Variants in GPAA1 observed in about 807,000 individuals in gnomAD.
GPAA1 encodes GPI-anchor transamidase component GPAA1.
A neutral mutation model predicts 64.0 loss-of-function variants in GPAA1; 54 were observed. The observed-to-expected ratio is 0.84, with a 90% confidence interval of 0.68 to 1.06. The LOEUF (loss-of-function observed/expected upper bound fraction) is 1.06. Ranked by LOEUF, GPAA1 falls within the 50% of genes least tolerant of loss-of-function variation. The probability of loss-of-function intolerance (pLI) is 0.00; values close to 1 mark genes in which losing one functional copy is unlikely to be tolerated. For missense variants in GPAA1, 780 were observed against 822.3 expected (o/e 0.95, Z 0.63); for synonymous variants, 393 against 377.3 (o/e 1.04, Z -0.48).
intron 7 of GPAA1, 47 bp downstream of exon 7, chr8:144,084,656 G>C: frequency 6.2e-7 from 1 of 1,608,004 alleles, no homozygotes; most frequent in Non-Finnish European, 8.5e-7. Flanking sequence ...ATGGGGTCTA[G>C]CTGGAGCGGA....
intron 8 of GPAA1, 46 bp downstream of exon 8, chr8:144,084,921 C>T: frequency 6.2e-7 from 1 of 1,604,994 alleles, no homozygotes; most frequent in Middle Eastern, 1.7e-4. Flanking sequence ...CCTCCAGTCT[C>T]CTCAACTCTA....
At position 144,084,054 on chromosome 8, in the gene GPAA1, T is replaced by TC. The variant is rs782514501; in HGVS notation, c.616+16dup. On this transcript the variant is annotated intron_variant, in intron 5 of 11. Coordinates refer to ENST00000355091, the MANE Select transcript of GPAA1 (RefSeq NM_003801.4). ...TCAATGTCACTGGTAGGTTCTCTTGTCCTGCCTGCCCTGGTCCCCCTCTCA... is the reference window on the plus strand; with the variant it reads ...TCAATGTCACTGGTAGGTTCTCTTGTCCCTGCCTGCCCTGGTCCCCCTCTCA... 9.3e-6 allele frequency: 15 copies of TC among 1,608,690 alleles called. No individual in the cohort carries two copies. In the South Asian group the frequency reaches 1.4e-4, roughly 15 times the overall value.
Position 144,085,115 on chromosome 8 carries a change from A to C in GPAA1, c.1237A>C (p.Ser413Arg), listed in dbSNP as rs1835975988. The change falls in exon 9 of 12, where the codon AGT becomes CGT. Residue 413 changes from serine (S) to arginine (R), a missense_variant. By Grantham distance (110) the Ser-to-Arg change is moderately radical. Coordinates refer to ENST00000355091, the MANE Select transcript of GPAA1 (RefSeq NM_003801.4). ...GGAGCCCGGGGGTGCCCCTGGCCCCAGTGTACCCCTTCCCCCATCACAGGT... is the reference window on the plus strand; with the variant it reads ...GGAGCCCGGGGGTGCCCCTGGCCCCCGTGTACCCCTTCCCCCATCACAGGT... ...LEEPGGAPGPSVPLPPSQGVG... is the reference protein window; with the variant it reads ...LEEPGGAPGPRVPLPPSQGVG... 2 of 1,594,596 alleles carry C rather than the reference A, an allele frequency of 1.3e-6. No homozygotes were observed. Among genetic ancestry groups the C allele is most frequent in the Non-Finnish European group, 1.7e-6 (2 of 1,167,760 alleles).
In GPAA1 at chr8:144,085,981, G is replaced by T; in HGVS notation, c.1722G>T (p.Leu574=). The change falls in exon 12 of 12, where the codon CTG becomes CTT. Residue 574 remains leucine, a synonymous_variant. Transcript: ENST00000355091. The stretch of plus-strand genomic sequence containing the variant: ...AGCTGCAGGAGGCGCCACTGTCACT[G>T]GCCGAGGGCTGGCAGCTCTTCCTGG... ...WRELQEAPLS[L]AEGWQLFLAA... 6.2e-7 allele frequency: 1 copy of T among 1,607,750 alleles called. No individual in the cohort carries two copies.
In GPAA1 at chr8:144,084,057, T is replaced by C. The variant is rs1167621099; in HGVS notation, c.616+17T>C. ...ATGTCACTGGTAGGTTCTCTTGTCC[T>C]GCCTGCCCTGGTCCCCCTCTCAGGG... is the stretch of plus-strand genomic sequence containing the variant. On this transcript the variant is annotated intron_variant, in intron 5 of 11. Transcript: ENST00000355091. 6.2e-7 allele frequency: 1 copy of C among 1,610,074 alleles called. No individual in the cohort carries two copies. Among genetic ancestry groups the C allele is most frequent in the Non-Finnish European group, 8.5e-7 (1 of 1,176,554 alleles).
rs782007586 is a variant in GPAA1 at position 144,084,801 on chromosome 8, G to A, written c.1090G>A (p.Gly364Ser). The change falls in exon 8 of 12, where the codon GGC becomes AGC. Residue 364 changes from glycine (G) to serine (S), a missense_variant. Gly to Ser is a moderately conservative substitution (Grantham distance 56). Transcript: ENST00000355091. ...HQSFFLYLLP[G>S]LSRFVSIGLY... ...GTCCTTCTTCCTCTACTTGCTCCCC[G>A]GCCTCTCCCGCTTCGTCTCCATCGG... 1.6e-5 allele frequency: 26 copies of A among 1,613,544 alleles called. No homozygotes were observed. Among genetic ancestry groups the A allele is most frequent in the African/African-American group, 1.1e-4 (8 of 74,898 alleles).
intron 8 of GPAA1, 67 bp from the exon 9 acceptor site, chr8:144,084,976 G>T: frequency 6.4e-7 from 1 of 1,564,436 alleles, no homozygotes; most frequent in Non-Finnish European, 8.7e-7. Context: ...GGGTACGGGG[G>T]TGAGCCCTGG....
At position 144,084,193 on chromosome 8, in the gene GPAA1, G is replaced by C. The variant is rs1480207032; in HGVS notation, c.676G>C (p.Glu226Gln). ...AGAIQAAVAL[E>Q]LSSDVVTSLD... ...GGCCATTCAGGCAGCCGTGGCCCTGGAGCTGAGCAGTGATGTGGTCACCAG... is the reference window on the plus strand; with the variant it reads ...GGCCATTCAGGCAGCCGTGGCCCTGCAGCTGAGCAGTGATGTGGTCACCAG... The change falls in exon 6 of 12, where the codon GAG (glutamate) becomes CAG (glutamine). Residue 226 changes from glutamate (E) to glutamine (Q), a missense_variant. Glu to Gln is a conservative substitution (Grantham distance 29). Coordinates refer to ENST00000355091, the MANE Select transcript of GPAA1 (RefSeq NM_003801.4). 4.3e-6 allele frequency: 7 copies of C among 1,613,654 alleles called. No individual in the cohort carries two copies. In the Admixed American group the frequency reaches 1.2e-4, roughly 27 times the overall value.
intron 6 of GPAA1, 31 bp from the exon 7 acceptor site, chr8:144,084,382 G>A: frequency 1.9e-6 from 3 of 1,610,238 alleles, no homozygotes; most frequent in Non-Finnish European, 2.5e-6. Context: ...CTGTGGGAGG[G>A]GCTGTCTCAT....
Position 144,085,748 on chromosome 8 carries a change from G to T in GPAA1, c.1622+5G>T. 1 of 1,611,516 alleles carries T rather than the reference G, an allele frequency of 6.2e-7. No homozygotes were observed. Among genetic ancestry groups the T allele is most frequent in the Non-Finnish European group, 8.5e-7 (1 of 1,179,832 alleles). On this transcript the variant is annotated splice_donor_5th_base_variant and intron_variant, in intron 11 of 11. Transcript: ENST00000355091. ...TGCCAAGCCTCATGGGCCCCGGTAT[G>T]TATGGATCAGCCCCACTTCCCCCAA...
chr8:144,083,075 C>A lies in GPAA1; in HGVS notation c.75-49C>A, dbSNP rs201543347. 6.4e-5 allele frequency: 99 copies of A among 1,545,578 alleles called. 1 individual carries two copies. In the African/African-American group the frequency reaches 1.1e-3, roughly 18 times the overall value. ...TGCGGAGGTTGTGGCCTCGGGTCGG[C>A]GTCTGAGGACCCGCTGACGCTCCGG... On this transcript the variant is annotated intron_variant, in intron 1 of 11. Transcript: ENST00000355091.
chr8:144,083,397 C>A lies in GPAA1; in HGVS notation c.263C>A (p.Pro88Gln). 1 of 1,613,628 alleles carries A rather than the reference C, an allele frequency of 6.2e-7. No individual in the cohort carries two copies. The highest frequency in any genetic ancestry group is 1.1e-5 in the South Asian group (1 of 91,090). ...AAHRKKSGAL[P>Q]VAWLERTMRS... ...TCCCTTCGTGTCTGCAGGGCTCTGC[C>A]AGTGGCCTGGCTTGAACGGACGATG... Residue 88 changes from proline to glutamine, a missense_variant, in exon 3 of 12, where the codon CCA (proline) becomes CAA (glutamine). Transcript: ENST00000355091.
chr8:144,083,225 T>C lies in GPAA1; in HGVS notation c.176T>C (p.Met59Thr). The part of the protein sequence containing the change: ...YMSENAMGST[M>T]VEEQFAGGDR... ...TCGGAGAACGCCATGGGCTCCACCA[T>C]GGTGGAGGAGCAGTTTGCGGGCGGA... is the stretch of plus-strand genomic sequence containing the variant. Residue 59 changes from methionine to threonine, a missense_variant, in exon 2 of 12, where the codon ATG becomes ACG. Physicochemically the swap from Met to Thr is moderately conservative, Grantham distance 81. Coordinates refer to ENST00000355091, the MANE Select transcript of GPAA1 (RefSeq NM_003801.4). 1 of 1,610,964 alleles carries C rather than the reference T, an allele frequency of 6.2e-7. No homozygotes were observed. Among genetic ancestry groups the C allele is most frequent in the Non-Finnish European group, 8.5e-7 (1 of 1,178,332 alleles).
rs1554763833 is a variant in GPAA1 at position 144,083,442 on chromosome 8, T to C, written c.308T>C (p.Val103Ala). The C allele has an allele frequency of 6.2e-7, 1 of 1,613,662 alleles. No individual in the cohort carries two copies. The highest frequency in any genetic ancestry group is 1.1e-5 in the South Asian group (1 of 91,066). ...ERTMRSVGLE[V>A]YTQSFSRKLP... ...ACGATGCGGTCAGTAGGGCTGGAGG[T>C]CTACACGCAGAGTTTCTCCCGGAAA... is the stretch of plus-strand genomic sequence containing the variant. Residue 103 changes from valine (V) to alanine (A), a missense_variant, in exon 3 of 12, where the codon GTC becomes GCC. Val to Ala is a moderately conservative substitution (Grantham distance 64, BLOSUM62 0). Transcript: ENST00000355091.
chr8:144,083,527 G>C, intron 3 of GPAA1, 27 bp downstream of exon 3: 2 of 1,561,380 alleles, frequency 1.3e-6, no homozygotes, highest in Non-Finnish European at 1.8e-6. Flanking sequence ...GTGTGCCTGG[G>C]CCCAGAAAGC....
At position 144,082,688 on chromosome 8, in the gene GPAA1, T is replaced by TG; in HGVS notation, c.-41dup. On this transcript the variant is annotated 5_prime_UTR_variant, in exon 1 of 12. Coordinates refer to ENST00000355091, the MANE Select transcript of GPAA1 (RefSeq NM_003801.4). ...AGCCTGTGGGCACCGCGGCGGTAGT[T>TG]GGAGGCGGGAGAGGGTCCGTAGCCG... The TG allele has an allele frequency of 7.2e-7, 1 of 1,391,984 alleles. No homozygotes were observed. The highest frequency in any genetic ancestry group is 9.4e-7 in the Non-Finnish European group (1 of 1,067,106). The allele number at this position is 1,391,984 out of a possible 1,614,324, so 86.2% of individuals were successfully genotyped here. A position where few individuals can be genotyped will look rare whatever the true frequency, so the allele number is the denominator to read the frequency against.
At chr8:144,083,889 G>A (rs1835949948) in intron 4 of GPAA1, 28 bp downstream of exon 4, 2 of 1,613,734 alleles carry the variant, frequency 1.2e-6, no homozygotes, top group African/African-American at 1.3e-5. Context: ...TGGCCGTGGA[G>A]GGGTTTGGTC....
At position 144,083,287 on chromosome 8, in the gene GPAA1, C is replaced by T. The variant is rs781815658; in HGVS notation, c.238C>T (p.His80Tyr). The T allele has an allele frequency of 1.9e-6, 3 of 1,602,644 alleles. No individual in the cohort carries two copies. The highest frequency in any genetic ancestry group is 2.7e-5 in the African/African-American group (2 of 74,554). The change falls in exon 2 of 12, where the codon CAC (histidine) becomes TAC (tyrosine). Residue 80 changes from histidine to tyrosine, a missense_variant. Transcript: ENST00000355091. ...ARAFARDFAA[H>Y]RKKSGALPVA... ...GGCTTTTGCCCGGGACTTCGCCGCCCACCGCAAGAAGTCGGGGTGAGCGGC... is the reference window on the plus strand; with the variant it reads ...GGCTTTTGCCCGGGACTTCGCCGCCTACCGCAAGAAGTCGGGGTGAGCGGC...
chr8:144,083,159 T>C lies in GPAA1; in HGVS notation c.110T>C (p.Leu37Ser). The C allele has an allele frequency of 6.2e-7, 1 of 1,612,634 alleles. No individual in the cohort carries two copies. The highest frequency in any genetic ancestry group is 8.5e-7 in the Non-Finnish European group (1 of 1,179,842). ...LSYVAGIAWF[L>S]ALVFPPLTQR... ...TACGTGGCGGGCATCGCCTGGTTCT[T>C]GGCGCTGGTTTTCCCGCCGCTGACC... The change falls in exon 2 of 12, where the codon TTG becomes TCG. Residue 37 changes from leucine (L) to serine (S), a missense_variant. Coordinates refer to ENST00000355091, the MANE Select transcript of GPAA1 (RefSeq NM_003801.4).
Sources: allele counts gnomAD v4.1 joint callset, GRCh38; gene constraint gnomAD v4.1.1; transcripts MANE v1.5; gene names NCBI Gene and HGNC (gene_info 2026-07-23, HGNC 2026-07-21).